Variants in R3HDM4 observed in about 807,000 individuals in gnomAD.
The protein encoded by R3HDM4 is R3H domain-containing protein 4.
R3HDM4 carries 30 observed loss-of-function variants against 31.3 expected under a neutral mutation model. The ratio of observed to expected loss-of-function variants is 0.96; its 90% confidence interval spans 0.72 to 1.30. R3HDM4 has a LOEUF of 1.30. Among genes scored for constraint, R3HDM4 ranks in the 50% most tolerant of loss-of-function variants. The pLI, the probability that R3HDM4 is intolerant of heterozygous loss-of-function variation, is 0.00. For missense variants in R3HDM4, 444 were observed against 366.1 expected, an observed-to-expected ratio of 1.21 and a Z score of -1.74; for synonymous variants, 196 against 156.6, an observed-to-expected ratio of 1.25 and a Z score of -1.88.
chr19:902,774 C>T (rs1222709412), intron 1 of R3HDM4: 1 of 152,142 alleles, frequency 6.6e-6, no homozygotes, highest in Non-Finnish European at 1.5e-5. Flanking sequence ...CCTGTCTCTA[C>T]CAAAAAAAAT....
chr19:899,737 G>C lies in R3HDM4; in HGVS notation c.562-51C>G. ...GGAACTGCGGGACCTGTGGGTGGGG[G>C]GCCAGGGAGGTCCAGGGCCCCCAGG... On this transcript the variant is annotated intron_variant, in intron 5 of 7. Coordinates refer to ENST00000361574, the MANE Select transcript of R3HDM4 (RefSeq NM_138774.4). This position sits in a 1 kb window ranked among gnomAD's most constrained non-coding sequence, Gnocchi z 6.8. The C allele has an allele frequency of 7.0e-7, 1 of 1,431,850 alleles. No homozygotes were observed. Among genetic ancestry groups the C allele is most frequent in the Non-Finnish European group, 9.3e-7 (1 of 1,070,234 alleles). 88.7% of individuals were successfully genotyped at this position (1,431,850 alleles called of 1,614,324 possible). A position where few individuals can be genotyped will look rare whatever the true frequency, so the allele number is the denominator to read the frequency against.
chr19:908,941 C>T (rs1459462653), intron 1 of R3HDM4, among the ~76,000 whole-genome samples: 5 of 152,256 alleles, frequency 3.3e-5, no homozygotes, highest in East Asian at 1.9e-4. Context: ...CCCACAGCGG[C>T]GCTCACTGCC....
At chr19:903,832 T>C (rs368301135) in intron 1 of R3HDM4, among the ~76,000 whole-genome samples, 2,199 of 152,026 alleles carry the variant, frequency 0.014, 47 homozygotes, top group African/African-American at 0.046. Context: ...GGGCGGATCA[T>C]GAGGTCAGGA....
At chr19:900,517 C>G (rs1006017764) in intron 4 of R3HDM4, among the ~76,000 whole-genome samples, 4 of 151,550 alleles carry the variant, frequency 2.6e-5, no homozygotes, top group African/African-American at 9.7e-5. Flanking sequence ...CCTACCTACC[C>G]CATCCTGGCC....
At chr19:897,593 G>A in intron 7 of R3HDM4, 53 bp from the exon 8 acceptor site, 2 of 1,427,556 alleles carry the variant, frequency 1.4e-6, no homozygotes, top group Non-Finnish European at 1.9e-6. Context: ...AGCCGCGGCA[G>A]GTAGAGGTGC....
At chr19:908,942 G>A (rs1179753664) in intron 1 of R3HDM4, among the ~76,000 whole-genome samples, 1 of 152,200 alleles carries the variant, frequency 6.6e-6, no homozygotes, top group Non-Finnish European at 1.5e-5. Flanking sequence ...CCACAGCGGC[G>A]CTCACTGCCT....
chr19:899,335 A>G lies in R3HDM4; in HGVS notation c.703+105T>C. 1.9e-6 allele frequency: 2 copies of G among 1,075,458 alleles called. No individual in the cohort carries two copies. Among genetic ancestry groups the G allele is most frequent in the Non-Finnish European group, 2.8e-6 (2 of 719,364 alleles). The allele number at this position is 1,075,458 out of a possible 1,614,324, so 66.6% of individuals were successfully genotyped here. ...CGTCCCCACTCCAGCCCCCTTCCCC[A>G]CCTCCCCACCAAGCCCCACTCTGAG... On this transcript the variant is annotated intron_variant, in intron 7 of 7. Coordinates refer to ENST00000361574, the MANE Select transcript of R3HDM4 (RefSeq NM_138774.4). This position sits in a 1 kb window ranked among gnomAD's most constrained non-coding sequence, Gnocchi z 6.8.
At position 908,050 on chromosome 19, in the gene R3HDM4, G is replaced by A. The variant is rs531577906; in HGVS notation, c.71+5037C>T. On this transcript the variant is annotated intron_variant, in intron 1 of 7. Transcript: ENST00000361574. ...TCTACAAAAATACAAAAATTAGCCA[G>A]GAGTGGTGGCGCACGCCTGTAGTCC... is the stretch of plus-strand genomic sequence containing the variant. 4.6e-5 allele frequency among the ~76,000 whole-genome samples: 7 copies of A among 152,202 alleles called. No individual in the cohort carries two copies. In the South Asian group the frequency reaches 1.5e-3, roughly 32 times the overall value.
chr19:897,321 C>T lies in R3HDM4; in HGVS notation c.*116G>A, dbSNP rs1425446910. On this transcript the variant is annotated 3_prime_UTR_variant, in exon 8 of 8. Coordinates refer to ENST00000361574, the MANE Select transcript of R3HDM4 (RefSeq NM_138774.4). ...GGGGGCAGAGTGAGAGAGACCACCC[C>T]AAGCGAAAAAGGTTTCCGAGGACAA... 1 of 776,124 alleles carries T rather than the reference C, an allele frequency of 1.3e-6. No homozygotes were observed. Among genetic ancestry groups the T allele is most frequent in the African/African-American group, 1.8e-5 (1 of 56,624 alleles). The allele number at this position is 776,124 out of a possible 1,614,324, so 48.1% of individuals were successfully genotyped here.
Position 899,967 on chromosome 19 carries a change from C to T in R3HDM4, c.561+94G>A, listed in dbSNP as rs561433650. The T allele has an allele frequency of 3.8e-6, 5 of 1,303,140 alleles. No individual in the cohort carries two copies. The highest frequency in any genetic ancestry group is 3.7e-5 in the South Asian group (3 of 81,626). 80.7% of individuals were successfully genotyped at this position (1,303,140 alleles called of 1,614,324 possible). On this transcript the variant is annotated intron_variant, in intron 5 of 7. Transcript: ENST00000361574. The surrounding 1 kb of genome is among the most constrained non-coding windows in gnomAD (Gnocchi z 6.8). ...GTATCCTGCCCTGTTTCCCCTGACA[C>T]GACCTGCACCGGGTGAGAACCTGTG... is the stretch of plus-strand genomic sequence containing the variant.
chr19:899,742 G>T lies in R3HDM4; in HGVS notation c.562-56C>A. The T allele has an allele frequency of 4.4e-6, 6 of 1,369,852 alleles. No individual in the cohort carries two copies. Among genetic ancestry groups the T allele is most frequent in the South Asian group, 1.4e-5 (1 of 70,134 alleles). The allele number at this position is 1,369,852 out of a possible 1,614,324, so 84.9% of individuals were successfully genotyped here. A position where few individuals can be genotyped will look rare whatever the true frequency, so the allele number is the denominator to read the frequency against. Reference sequence around the variant, plus strand: ...TGCGGGACCTGTGGGTGGGGGGCCAGGGAGGTCCAGGGCCCCCAGGAGCCC... The same window carrying T: ...TGCGGGACCTGTGGGTGGGGGGCCATGGAGGTCCAGGGCCCCCAGGAGCCC... On this transcript the variant is annotated intron_variant, in intron 5 of 7. Coordinates refer to ENST00000361574, the MANE Select transcript of R3HDM4 (RefSeq NM_138774.4). This position sits in a 1 kb window ranked among gnomAD's most constrained non-coding sequence, Gnocchi z 6.8.
rs761137352 is a variant in R3HDM4, at chr19:900,088, G to A, written c.534C>T (p.Ala178=). The part of the protein sequence containing the change: ...CFQRISRRLR[A]VLKRSRIPME... ...TGGGGATGCGGCTGCGCTTGAGGAC[G>A]GCTCGCAGACGCCGGCTGATGCGCT... is the stretch of plus-strand genomic sequence containing the variant. The change falls in exon 5 of 8, where the codon GCC becomes GCT. Residue 178 remains alanine, a synonymous_variant. Coordinates refer to ENST00000361574, the MANE Select transcript of R3HDM4 (RefSeq NM_138774.4). 35 of 1,609,908 alleles carry A rather than the reference G, an allele frequency of 2.2e-5. No individual in the cohort carries two copies. Among genetic ancestry groups the A allele is most frequent in the African/African-American group, 1.7e-4 (13 of 74,676 alleles).
chr19:900,825 G>GCCCCCCCCC lies in R3HDM4; in HGVS notation c.475+3_475+4insGGGGGGGGG. On this transcript the variant is annotated splice_donor_region_variant and intron_variant, in intron 4 of 7. Transcript: ENST00000361574. ...ACCCATACCCGCCCCAGCCAGGCCC[G>GCCCCCCCCC]CACCTCTCCTCCGGTCCTCCCCACG... The GCCCCCCCCC allele has an allele frequency of 3.0e-6, 2 of 677,280 alleles. No individual in the cohort carries two copies. The highest frequency in any genetic ancestry group is 4.6e-6 in the Non-Finnish European group (2 of 431,686). 42.0% of individuals were successfully genotyped at this position (677,280 alleles called of 1,614,324 possible). A position where few individuals can be genotyped will look rare whatever the true frequency, so the allele number is the denominator to read the frequency against.
chr19:912,054 G>A (rs1439046543), intron 1 of R3HDM4, among the ~76,000 whole-genome samples: 2 of 144,078 alleles, frequency 1.4e-5, no homozygotes, highest in Non-Finnish European at 3.1e-5. Flanking sequence ...CGGGGCCCGG[G>A]GAGTGGGGGG....
intron 7 of R3HDM4, among the ~76,000 whole-genome samples, chr19:898,844 G>A (rs1353551782): frequency 6.6e-6 from 1 of 152,180 alleles, no homozygotes; most frequent in African/African-American, 2.4e-5. Context: ...AGAGGGAACA[G>A]AGGGAGGCAT....
chr19:909,257 C>T (rs2036942649), intron 1 of R3HDM4, among the ~76,000 whole-genome samples: 1 of 152,166 alleles, frequency 6.6e-6, no homozygotes, highest in African/African-American at 2.4e-5. Context: ...CACACCTTTC[C>T]CAGCACTGGT....
chr19:902,868 G>A (rs529041351), intron 1 of R3HDM4, among the ~76,000 whole-genome samples: 1 of 151,466 alleles, frequency 6.6e-6, no homozygotes, highest in Non-Finnish European at 1.5e-5. Flanking sequence ...CTTGAACCCG[G>A]GAGGCAGATG....
At chr19:904,440 C>T (rs2036878133) in intron 1 of R3HDM4, among the ~76,000 whole-genome samples, 1 of 152,126 alleles carries the variant, frequency 6.6e-6, no homozygotes, top group Admixed American at 6.5e-5. Flanking sequence ...TAATAGCATC[C>T]AGAGTTCCCA....
In R3HDM4 at chr19:899,344, C is replaced by A; in HGVS notation, c.703+96G>T. ...TCCAGCCCCCTTCCCCACCTCCCCA[C>A]CAAGCCCCACTCTGAGGAACCAGGC... On this transcript the variant is annotated intron_variant, in intron 7 of 7. Transcript: ENST00000361574. This position sits in a 1 kb window ranked among gnomAD's most constrained non-coding sequence, Gnocchi z 6.8. The A allele has an allele frequency of 7.6e-7, 1 of 1,314,304 alleles. No individual in the cohort carries two copies. The highest frequency in any genetic ancestry group is 1.1e-6 in the Non-Finnish European group (1 of 916,594). The allele number at this position is 1,314,304 out of a possible 1,614,324, so 81.4% of individuals were successfully genotyped here.
Sources: allele counts gnomAD v4.1 joint callset (sites outside exome capture counted in the v4.1 genomes callset), GRCh38; gene constraint gnomAD v4.1.1; non-coding constraint Gnocchi (gnomAD v3.1); transcripts MANE v1.5; gene names NCBI Gene and HGNC (gene_info 2026-07-23, HGNC 2026-07-21).